EPHA4: variants seen among roughly 807,000 people sequenced by gnomAD.
EPHA4 encodes ephrin type-A receptor 4.
A neutral mutation model predicts 108.3 loss-of-function variants in EPHA4; 19 were observed. The ratio of observed to expected loss-of-function variants is 0.18; its 90% CI spans 0.12 to 0.26. The LOEUF is 0.26. EPHA4 is among the 10% of genes least tolerant of loss of function. The probability of loss-of-function intolerance (pLI) is 1.00; values close to 1 mark genes in which losing one functional copy is unlikely to be tolerated. For missense variants in EPHA4, 917 were observed against 1,254.0 expected (o/e 0.73, Z 4.06); for synonymous variants, 449 against 455.5 (o/e 0.99, Z 0.18).
chr2:221,543,959 C>T (rs1487369966), intron 3 of EPHA4, among the ~76,000 whole-genome samples: 2 of 152,090 alleles, frequency 1.3e-5, no homozygotes, highest in Admixed American at 1.3e-4. Flanking sequence ...GAGATCAAAG[C>T]AAAGTCAGTG....
intron 3 of EPHA4, among the ~76,000 whole-genome samples, chr2:221,526,567 C>T (rs186105584): frequency 4.4e-4 from 66 of 150,804 alleles, no homozygotes; most frequent in Non-Finnish European, 6.5e-4. Flanking sequence ...AAATTCATGG[C>T]TGGGTGCAGC....
intron 4 of EPHA4, among the ~76,000 whole-genome samples, chr2:221,495,001 CAAAAAA>C (rs5838887): frequency 4.7e-5 from 4 of 85,522 alleles, no homozygotes; most frequent in East Asian, 3.4e-4. Context: ...GCAATGTTGC[CAAAAAA>C]AAAAAAAAAA....
chr2:221,447,695 G>T lies in EPHA4; in HGVS notation c.1716-1514C>A, dbSNP rs185406123. Among the ~76,000 whole-genome samples the T allele has an allele frequency of 4.5e-3, 688 of 152,158 alleles. 3 individuals carry two copies. The highest frequency in any genetic ancestry group is 0.015 in the African/African-American group (643 of 41,496). On this transcript the variant is annotated intron_variant, in intron 8 of 17. Transcript: ENST00000281821. ...ATATTATCTCCTTCCCTAACTGTTT[G>T]CAAAGCAGGAACCAACTTAGCAAAA...
At chr2:221,488,520 A>G (rs1692043586) in intron 4 of EPHA4, among the ~76,000 whole-genome samples, 1 of 152,206 alleles carries the variant, frequency 6.6e-6, no homozygotes, top group Non-Finnish European at 1.5e-5. Flanking sequence ...ATGAACATCC[A>G]TTCACTTCAC....
rs1420740698 is a variant in EPHA4, at chr2:221,482,494, G to A, written c.1176C>T (p.Gly392=). Residue 392 remains glycine, a synonymous_variant, in exon 5 of 18, where the codon GGC becomes GGT. Transcript: ENST00000281821. ...SGVHYTPQQN[G]LKTTKVSITD... ...TGATGGAGACTTTGGTGGTCTTCAA[G>A]CCATTCTGCTGTGGGGTGTAGTGGA... 1.2e-6 allele frequency: 2 copies of A among 1,613,982 alleles called. No individual in the cohort carries two copies. Among genetic ancestry groups the A allele is most frequent in the Non-Finnish European group, 1.7e-6 (2 of 1,179,990 alleles).
intron 3 of EPHA4, among the ~76,000 whole-genome samples, chr2:221,512,275 T>C (rs1692854417): frequency 6.6e-6 from 1 of 152,222 alleles, no homozygotes; most frequent in Non-Finnish European, 1.5e-5. Context: ...GCGTATATTT[T>C]AGATGAACTA....
In EPHA4 at chr2:221,451,528, G is replaced by C. The variant is rs1235884629; in HGVS notation, c.1715+4019C>G. Among the ~76,000 whole-genome samples, 5 of 152,154 alleles carry C rather than the reference G, an allele frequency of 3.3e-5. No homozygotes were observed. In the East Asian group the frequency reaches 9.6e-4, roughly 29 times the overall value. Reference sequence around the variant, plus strand: ...CATGTGGAAATGTTGATTTGCTGGAGAGAATGTACAAATAGAGATTTGTTT... The same window carrying C: ...CATGTGGAAATGTTGATTTGCTGGACAGAATGTACAAATAGAGATTTGTTT... On this transcript the variant is annotated intron_variant, in intron 8 of 17. Coordinates refer to ENST00000281821, the MANE Select transcript of EPHA4 (RefSeq NM_004438.5).
At chr2:221,420,760 A>G (rs569016024) in intron 17 of EPHA4, among the ~76,000 whole-genome samples, 4 of 152,268 alleles carry the variant, frequency 2.6e-5, no homozygotes, top group Admixed American at 2.0e-4. Flanking sequence ...CTAACAGCTT[A>G]ATTACAACTC....
intron 14 of EPHA4, among the ~76,000 whole-genome samples, chr2:221,431,706 T>C (rs1301419477): frequency 2.0e-5 from 3 of 152,202 alleles, no homozygotes; most frequent in African/African-American, 7.2e-5. Flanking sequence ...AAAGCAACAC[T>C]GGGCTGATGC....
Position 221,443,494 on chromosome 2 carries a change from A to G in EPHA4, c.1887T>C (p.Val629=). Residue 629 remains valine (V), a splice_region_variant and synonymous_variant, in exon 10 of 18, where the codon GTT becomes GTC. Transcript: ENST00000281821. ...SCIKIEKVIG[V]GEFGEVCSGR... is the part of the protein sequence containing the mutation. ...GCAGACGGACACTCAGACACTTACC[A>G]ACTCCTATAACTTTTTCAATCTTAA... 6.2e-7 allele frequency: 1 copy of G among 1,611,610 alleles called. No homozygotes were observed.
chr2:221,446,293 A>C (rs112868293), intron 8 of EPHA4, 112 bp from the exon 9 acceptor site: 292 of 479,754 alleles, frequency 6.1e-4, no homozygotes, highest in African/African-American at 5.5e-3. Flanking sequence ...TGCTATGTAC[A>C]TTTCAGAGAT....
intron 2 of EPHA4, among the ~76,000 whole-genome samples, chr2:221,567,473 T>C (rs1694701695): frequency 6.6e-6 from 1 of 152,142 alleles, no homozygotes; most frequent in Admixed American, 6.5e-5. Context: ...GCCAGAGGCC[T>C]GCCAATCACT....
intron 3 of EPHA4, among the ~76,000 whole-genome samples, chr2:221,522,760 TA>T (rs1265283568): frequency 2.9e-4 from 39 of 133,208 alleles, no homozygotes; most frequent in African/African-American, 9.8e-4. Context: ...TTATTATTAT[TA>T]TTATTATTAT....
chr2:221,544,205 C>T (rs114453954), intron 3 of EPHA4, among the ~76,000 whole-genome samples: 252 of 152,314 alleles, frequency 1.7e-3, no homozygotes, highest in Admixed American at 2.5e-3. Context: ...TTCAGATCAT[C>T]GTACCAAGCT....
At chr2:221,515,107 T>C (rs1692952813) in intron 3 of EPHA4, among the ~76,000 whole-genome samples, 2 of 152,208 alleles carry the variant, frequency 1.3e-5, no homozygotes, top group Non-Finnish European at 2.9e-5. Flanking sequence ...TTTTGTTTGT[T>C]TGTTTGAGAC....
intron 3 of EPHA4, among the ~76,000 whole-genome samples, chr2:221,560,847 A>T (rs1264222416): frequency 6.6e-6 from 1 of 152,128 alleles, no homozygotes; most frequent in Non-Finnish European, 1.5e-5. Context: ...TATTATTTCC[A>T]CTGTGCCTGG....
At chr2:221,533,957 C>G (rs1028843489) in intron 3 of EPHA4, among the ~76,000 whole-genome samples, 1 of 152,068 alleles carries the variant, frequency 6.6e-6, no homozygotes, top group Admixed American at 6.5e-5. Context: ...TGTGAGTTAC[C>G]TTTTCCCACA....
At chr2:221,520,543 CAG>C (rs1196546096) in intron 3 of EPHA4, among the ~76,000 whole-genome samples, 595 of 27,022 alleles carry the variant, frequency 0.022, 6 homozygotes, top group Middle Eastern at 0.12. Context: ...CACACACACA[CAG>C]AGAGAGAGAG....
intron 14 of EPHA4, among the ~76,000 whole-genome samples, chr2:221,432,008 C>T (rs544943612): frequency 1.6e-3 from 245 of 152,132 alleles, no homozygotes; most frequent in African/African-American, 5.5e-3. Context: ...GAATCCAACA[C>T]AGAGACAAAT....
Sources: gnomAD v4.1 joint callset for allele counts (sites outside exome capture counted in the v4.1 genomes callset) on GRCh38, gnomAD v4.1.1 for gene constraint, MANE v1.5 for transcripts, NCBI Gene and HGNC (gene_info 2026-07-23, HGNC 2026-07-21) for gene names.